DNAJC5: variants seen among roughly 807,000 people sequenced by gnomAD.
DNAJC5 encodes the protein dnaJ homolog subfamily C member 5.
Under a neutral mutation model 23.2 loss-of-function variants are expected in DNAJC5, and 1 was observed. The observed-to-expected ratio is 0.04, with a 90% CI of 0.02 to 0.20. The LOEUF (loss-of-function observed/expected upper bound fraction) is 0.20. DNAJC5 is among the 10% of genes least tolerant of loss of function. DNAJC5 has a pLI of 1.00. For missense variants in DNAJC5, 180 were observed against 267.0 expected (o/e 0.67, Z 2.27); for synonymous variants, 136 against 120.0 (o/e 1.13, Z -0.87).
In DNAJC5 at chr20:63,928,943, C is replaced by A. The variant is rs908843372; in HGVS notation, c.108-369C>A. On this transcript the variant is annotated intron_variant, in intron 2 of 4. Coordinates refer to ENST00000360864, the MANE Select transcript of DNAJC5 (RefSeq NM_025219.3). The surrounding 1 kb of genome is among the most constrained non-coding windows in gnomAD (Gnocchi z 4.6). ...TCTCGTGTGCTAGCATCGTGTAGTT[C>A]ATAAAACACTTCTTAAAGTGCCATC... Among the ~76,000 whole-genome samples the A allele has an allele frequency of 2.6e-5, 4 of 152,342 alleles. No homozygotes were observed. In the East Asian group the frequency reaches 7.7e-4, roughly 29 times the overall value.
Position 63,929,549 on chromosome 20 carries a change from C to T in DNAJC5, c.321+24C>T, listed in dbSNP as rs752178736. ...AGGTGAGGGCGAGCTGCCTGCCGTG[C>T]GGGCACCCGAGTCACTCCTGCCGTG... On this transcript the variant is annotated intron_variant, in intron 3 of 4. Coordinates refer to ENST00000360864, the MANE Select transcript of DNAJC5 (RefSeq NM_025219.3). This position sits in a 1 kb window ranked among gnomAD's most constrained non-coding sequence, Gnocchi z 8.6. The T allele has an allele frequency of 1.1e-5, 17 of 1,610,696 alleles. No homozygotes were observed. The highest frequency in any genetic ancestry group is 6.7e-5 in the Admixed American group (4 of 59,934).
At position 63,931,214 on chromosome 20, in the gene DNAJC5, T is replaced by G; in HGVS notation, c.493+192T>G. ...CAGGCGCATAGAGCTGTCCCCGCCG[T>G]GACCTGCGGTAGCCGTAGATCCCAG... On this transcript the variant is annotated intron_variant, in intron 4 of 4. Transcript: ENST00000360864. This position sits in a 1 kb window ranked among gnomAD's most constrained non-coding sequence, Gnocchi z 9.6. 1 of 798,804 alleles carries G rather than the reference T, an allele frequency of 1.3e-6. No individual in the cohort carries two copies. The highest frequency in any genetic ancestry group is 2.1e-6 in the Non-Finnish European group (1 of 474,308). The allele number at this position is 798,804 out of a possible 1,614,324, so 49.5% of individuals were successfully genotyped here.
intron 1 of DNAJC5, among the ~76,000 whole-genome samples, chr20:63,918,946 T>G (rs2053538954): frequency 6.6e-6 from 1 of 152,238 alleles, no homozygotes; most frequent in Non-Finnish European, 1.5e-5. Context: ...AGTAAAATAT[T>G]TAAAACAGAA....
chr20:63,924,165 C>T (rs563198100), intron 1 of DNAJC5, among the ~76,000 whole-genome samples: 2 of 150,722 alleles, frequency 1.3e-5, no homozygotes, highest in South Asian at 4.2e-4. Flanking sequence ...GCTAATCTGT[C>T]TGCTACATTT....
intron 1 of DNAJC5, among the ~76,000 whole-genome samples, chr20:63,927,259 A>G (rs907283905): frequency 2.0e-5 from 3 of 152,136 alleles, no homozygotes; most frequent in African/African-American, 4.8e-5. Flanking sequence ...GCTCACACCT[A>G]TAACCCCAGC....
At chr20:63,925,573 G>A (rs777935892) in intron 1 of DNAJC5, among the ~76,000 whole-genome samples, 7 of 152,050 alleles carry the variant, frequency 4.6e-5, no homozygotes, top group Non-Finnish European at 7.4e-5. Flanking sequence ...AGGAAGGCAA[G>A]TTCTTCATCT....
At chr20:63,923,119 C>T (rs2053585183) in intron 1 of DNAJC5, among the ~76,000 whole-genome samples, 1 of 151,190 alleles carries the variant, frequency 6.6e-6, no homozygotes, top group Non-Finnish European at 1.5e-5. Flanking sequence ...CCAGCCTGGG[C>T]AACAGAGTGA....
Position 63,929,365 on chromosome 20 carries a change from C to T in DNAJC5, c.161C>T (p.Ala54Val), listed in dbSNP as rs754887788. The T allele has an allele frequency of 8.7e-6, 14 of 1,614,022 alleles. No individual in the cohort carries two copies. The highest frequency in any genetic ancestry group is 6.7e-5 in the African/African-American group (5 of 74,916). Residue 54 changes from alanine to valine, a missense_variant, in exon 3 of 5, where the codon GCG becomes GTG. Coordinates refer to ENST00000360864, the MANE Select transcript of DNAJC5 (RefSeq NM_025219.3). The surrounding 1 kb of genome is among the most constrained non-coding windows in gnomAD (Gnocchi z 8.6). ...AAGAACCCCGACAACCCGGAGGCCG[C>T]GGACAAGTTTAAGGAGATCAACAAC... ...PDKNPDNPEA[A>V]DKFKEINNAH...
At chr20:63,921,485 G>A (rs1404146082) in intron 1 of DNAJC5, among the ~76,000 whole-genome samples, 1 of 151,890 alleles carries the variant, frequency 6.6e-6, no homozygotes. Flanking sequence ...CAGCTACTCA[G>A]GAGGCTGAGG....
intron 1 of DNAJC5, among the ~76,000 whole-genome samples, chr20:63,927,080 G>A (rs986280550): frequency 3.9e-5 from 6 of 152,272 alleles, no homozygotes; most frequent in South Asian, 2.1e-4. Context: ...ATTCCATTAC[G>A]TTTATTGAAA....
intron 1 of DNAJC5, among the ~76,000 whole-genome samples, chr20:63,913,225 C>T (rs1353834688): frequency 4.6e-5 from 7 of 152,156 alleles, no homozygotes; most frequent in South Asian, 2.1e-4. Context: ...GTAGTTCCTC[C>T]GTGTTTCCTT....
Position 63,929,564 on chromosome 20 carries a change from C to T in DNAJC5, c.321+39C>T. ...GCCTGCCGTGCGGGCACCCGAGTCA[C>T]TCCTGCCGTGCGGGCACCCGAGTCT... On this transcript the variant is annotated intron_variant, in intron 3 of 4. Coordinates refer to ENST00000360864, the MANE Select transcript of DNAJC5 (RefSeq NM_025219.3). This position sits in a 1 kb window ranked among gnomAD's most constrained non-coding sequence, Gnocchi z 8.6. 6.2e-7 allele frequency: 1 copy of T among 1,607,024 alleles called. No homozygotes were observed. Among genetic ancestry groups the T allele is most frequent in the South Asian group, 1.1e-5 (1 of 90,726 alleles).
At chr20:63,895,493 C>G (rs1434985175) in intron 1 of DNAJC5, among the ~76,000 whole-genome samples, 170 bp downstream of exon 1, 1 of 147,112 alleles carries the variant, frequency 6.8e-6, no homozygotes, top group Admixed American at 6.8e-5. Context: ...GACGCCGCGG[C>G]CTGGGCCGGG....
chr20:63,923,055 C>T (rs776916648), intron 1 of DNAJC5, among the ~76,000 whole-genome samples: 2 of 152,000 alleles, frequency 1.3e-5, no homozygotes, highest in Non-Finnish European at 2.9e-5. Flanking sequence ...GCAGGAGAAT[C>T]GCTTGAGCCT....
intron 1 of DNAJC5, among the ~76,000 whole-genome samples, chr20:63,915,030 G>T (rs565860346): frequency 6.6e-6 from 1 of 152,164 alleles, no homozygotes; most frequent in Non-Finnish European, 1.5e-5. Context: ...GGCCTCCTGC[G>T]TGGAGGTTTG....
At chr20:63,923,630 T>TG (rs886458378) in intron 1 of DNAJC5, among the ~76,000 whole-genome samples, 2 of 150,420 alleles carry the variant, frequency 1.3e-5, no homozygotes, top group African/African-American at 4.9e-5. Context: ...GAGGCTGAGG[T>TG]GGGGGGATCA....
chr20:63,915,273 T>G lies in DNAJC5; in HGVS notation c.-11-13062T>G, dbSNP rs1285277436. ...TGAACAAAAAAGGGGAAAAACAGAT[T>G]GAGAGATTCAGAAAGCTGTAATATA... On this transcript the variant is annotated intron_variant, in intron 1 of 4. Transcript: ENST00000360864. 2.6e-5 allele frequency among the ~76,000 whole-genome samples: 4 copies of G among 152,048 alleles called. No homozygotes were observed. In the East Asian group the frequency reaches 7.7e-4, roughly 29 times the overall value.
chr20:63,907,528 A>G (rs760357421), intron 1 of DNAJC5, among the ~76,000 whole-genome samples: 21 of 152,266 alleles, frequency 1.4e-4, no homozygotes, highest in Middle Eastern at 3.4e-3. Context: ...GTCCCTGTCA[A>G]TGGCAGCTCA....
rs2053668733 is a variant in DNAJC5 at position 63,931,346 on chromosome 20, C to T, written c.494-119C>T. The T allele has an allele frequency of 9.8e-6, 10 of 1,021,594 alleles. No individual in the cohort carries two copies. Among genetic ancestry groups the T allele is most frequent in the South Asian group, 2.7e-5 (2 of 73,310 alleles). 63.3% of individuals were successfully genotyped at this position (1,021,594 alleles called of 1,614,324 possible). A position where few individuals can be genotyped will look rare whatever the true frequency, so the allele number is the denominator to read the frequency against. The stretch of plus-strand genomic sequence containing the variant: ...GAAAGCCGTGTGGGGTGGAGGTCAG[C>T]GAGTAGCCTCTCCCGGTGGAGAGTT... On this transcript the variant is annotated intron_variant, in intron 4 of 4. Transcript: ENST00000360864. This position sits in a 1 kb window ranked among gnomAD's most constrained non-coding sequence, Gnocchi z 9.6.
Sources: allele counts gnomAD v4.1 joint callset (sites outside exome capture counted in the v4.1 genomes callset), GRCh38; gene constraint gnomAD v4.1.1; non-coding constraint Gnocchi (gnomAD v3.1); transcripts MANE v1.5; gene names NCBI Gene and HGNC (gene_info 2026-07-23, HGNC 2026-07-21).